Variants in SNED1 observed in about 807,000 individuals in gnomAD.
SNED1 encodes sushi, nidogen and EGF-like domain-containing protein 1.
In SNED1, 81 loss-of-function variants were observed where a neutral mutation model predicts 166.7. That is an observed-to-expected ratio of 0.49 (90% CI 0.41 to 0.58). SNED1 has a LOEUF of 0.58. Ranked by LOEUF, SNED1 falls within the 20% of genes least tolerant of loss-of-function variation. The pLI is 0.00. For synonymous variants in SNED1, 762 were observed against 822.0 expected (o/e 0.93, Z 1.25); for missense variants, 1,604 against 2,000.2 (o/e 0.80, Z 3.78).
intron 12 of SNED1, 145 bp downstream of exon 12, chr2:241,050,078 G>A: frequency 4.2e-6 from 3 of 721,220 alleles, no homozygotes; most frequent in South Asian, 1.5e-5. Flanking sequence ...GCTCTGTTCT[G>A]TGTATTTAGA....
chr2:241,016,352 T>C (rs533621660), intron 1 of SNED1, among the ~76,000 whole-genome samples: 3 of 152,142 alleles, frequency 2.0e-5, no homozygotes, highest in Admixed American at 6.5e-5. Flanking sequence ...CCCACCACCT[T>C]GCCCGGCTAA....
chr2:241,055,680 C>G (rs1398426762), intron 16 of SNED1, among the ~76,000 whole-genome samples: 1 of 152,210 alleles, frequency 6.6e-6, no homozygotes, highest in African/African-American at 2.4e-5. Flanking sequence ...GGATTGAAAT[C>G]AAGAGAAGCC....
intron 18 of SNED1, 50 bp from the exon 19 acceptor site, chr2:241,063,962 C>G (rs2062330299): frequency 7.4e-7 from 1 of 1,348,096 alleles, no homozygotes; most frequent in African/African-American, 1.4e-5. Flanking sequence ...CTCCTCCCTC[C>G]CCCAGACTCC....
chr2:241,073,893 G>A lies in SNED1; in HGVS notation c.3916+529G>A, dbSNP rs147241068. The A allele has an allele frequency of 2.1e-4, 36 of 167,840 alleles. No individual in the cohort carries two copies. Among genetic ancestry groups the A allele is most frequent in the African/African-American group, 7.6e-4 (32 of 42,128 alleles). 10.4% of individuals were successfully genotyped at this position (167,840 alleles called of 1,614,324 possible). On this transcript the variant is annotated intron_variant, in intron 27 of 31. Coordinates refer to ENST00000310397, the MANE Select transcript of SNED1 (RefSeq NM_001080437.3). The surrounding 1 kb of genome is among the most constrained non-coding windows in gnomAD (Gnocchi z 6.6). ...ATCGAGGCCAGCACGTCCCTGCAGG[G>A]CACCAAGCATCTGCTGAGCACCTGC...
At chr2:241,072,886 A>T (rs1328882784) in intron 26 of SNED1, 1 of 277,132 alleles carries the variant, frequency 3.6e-6, no homozygotes, top group Non-Finnish European at 6.8e-6. Flanking sequence ...CAGCTCAGAA[A>T]GAGCAGGGGG....
rs1342908146 is a variant in SNED1, at chr2:241,068,925, G to A, written c.3209G>A (p.Gly1070Glu). ...CCTGCCCACAGGGCCCTGCTGCCTGGGAAGAGGTACACCATCCAGCTGACC... is the reference window on the plus strand; with the variant it reads ...CCTGCCCACAGGGCCCTGCTGCCTGAGAAGAGGTACACCATCCAGCTGACC... ...DRFTFRALLP[G>E]KRYTIQLTTL... is the part of the protein sequence containing the mutation. The change falls in exon 23 of 32, where the codon GGG (glycine) becomes GAG (glutamate). Residue 1070 changes from glycine to glutamate, a missense_variant. Gly to Glu is a moderately conservative substitution (Grantham distance 98). Coordinates refer to ENST00000310397, the MANE Select transcript of SNED1 (RefSeq NM_001080437.3). The surrounding 1 kb of genome is among the most constrained non-coding windows in gnomAD (Gnocchi z 5.3). 6.4e-7 allele frequency: 1 copy of A among 1,552,302 alleles called. No individual in the cohort carries two copies. The highest frequency in any genetic ancestry group is 1.2e-5 in the South Asian group (1 of 84,094).
intron 1 of SNED1, among the ~76,000 whole-genome samples, chr2:241,020,217 A>G (rs1182594944): frequency 1.3e-5 from 2 of 152,366 alleles, no homozygotes; most frequent in Admixed American, 6.5e-5. Context: ...AGACCACACC[A>G]TTTGCAACAA....
At chr2:241,071,937 C>G in intron 26 of SNED1, 59 bp downstream of exon 26, 3 of 1,348,686 alleles carry the variant, frequency 2.2e-6, no homozygotes, top group Non-Finnish European at 3.1e-6. Context: ...CACTGCCACT[C>G]TCACCAGGTC....
chr2:241,083,368 T>C (rs2063423308), intron 29 of SNED1, among the ~76,000 whole-genome samples: 1 of 138,174 alleles, frequency 7.2e-6, no homozygotes, highest in African/African-American at 2.9e-5. Context: ...ACAGAAGGAC[T>C]CTGGTGTTTG....
In SNED1 at chr2:241,040,407, GAGAC is replaced by G; in HGVS notation, c.1270_1273del (p.Thr424GlufsTer86). The G allele has an allele frequency of 2.5e-6, 4 of 1,587,016 alleles. No individual in the cohort carries two copies. The highest frequency in any genetic ancestry group is 3.4e-6 in the Non-Finnish European group (4 of 1,165,442). ...CGAGCCCTTCAAGGGACTTCGCTGT[GAGAC>G]AGGTAACTGGCCAAGTGCCTGCAGG... On this transcript the variant is annotated frameshift_variant and splice_region_variant, in exon 8 of 32. Transcript: ENST00000310397. LOFTEE classifies it high-confidence loss of function.
chr2:241,007,679 C>A (rs750817022), intron 1 of SNED1, among the ~76,000 whole-genome samples: 1 of 152,298 alleles, frequency 6.6e-6, no homozygotes, highest in Non-Finnish European at 1.5e-5. Context: ...AAACAGACTT[C>A]GGGTTACCAT....
rs905348354 is a variant in SNED1 at position 241,030,204 on chromosome 2, C to G, written c.214-80C>G. ...CTTCCCCTCAGAGGGTGCCTGGTGG[C>G]AGGGGCTGGGGAGGCTGCTGGGCCC... On this transcript the variant is annotated intron_variant, in intron 1 of 31. Coordinates refer to ENST00000310397, the MANE Select transcript of SNED1 (RefSeq NM_001080437.3). The G allele has an allele frequency of 1.4e-5, 19 of 1,358,526 alleles. No individual in the cohort carries two copies. In the African/African-American group the frequency reaches 2.5e-4, roughly 18 times the overall value. 84.2% of individuals were successfully genotyped at this position (1,358,526 alleles called of 1,614,324 possible).
intron 31 of SNED1, 174 bp downstream of exon 31, chr2:241,088,576 A>G (rs2063704619): frequency 4.9e-6 from 3 of 612,182 alleles, no homozygotes; most frequent in African/African-American, 1.9e-5. Flanking sequence ...AGAAGTCCCC[A>G]AGGGGAAACA....
chr2:241,025,410 T>C (rs2060929048), intron 1 of SNED1, among the ~76,000 whole-genome samples: 1 of 152,172 alleles, frequency 6.6e-6, no homozygotes, highest in African/African-American at 2.4e-5. Context: ...CTTATTAATA[T>C]TCACTACCAA....
rs2064085331 is a variant in SNED1, at chr2:241,092,365, GAC to G, written c.*733_*734del. On this transcript the variant is annotated 3_prime_UTR_variant, in exon 32 of 32. Coordinates refer to ENST00000310397, the MANE Select transcript of SNED1 (RefSeq NM_001080437.3). The surrounding 1 kb of genome is among the most constrained non-coding windows in gnomAD (Gnocchi z 4.6). ...AGGTCCCTGTGGCTACAGTAGCGCA[GAC>G]ACAGCCACAGGCATGTCATTGAATG... 6.6e-6 allele frequency: 1 copy of G among 152,176 alleles called. No homozygotes were observed. Among genetic ancestry groups the G allele is most frequent in the Non-Finnish European group, 1.5e-5 (1 of 68,032 alleles). The allele number at this position is 152,176 out of a possible 1,614,324, so 9.4% of individuals were successfully genotyped here.
intron 2 of SNED1, among the ~76,000 whole-genome samples, chr2:241,031,650 G>A (rs114165857): frequency 0.05 from 7,647 of 152,248 alleles, 385 homozygotes; most frequent in African/African-American, 0.13. Flanking sequence ...TGCGCCTCTC[G>A]GCTCCCAGAG....
chr2:241,043,938 G>A (rs577944690), intron 8 of SNED1, among the ~76,000 whole-genome samples: 1 of 152,290 alleles, frequency 6.6e-6, no homozygotes, highest in East Asian at 1.9e-4. Flanking sequence ...AAGATAAGAA[G>A]AAATGGAAGT....
chr2:241,058,262 C>A (rs1248230164), intron 16 of SNED1, among the ~76,000 whole-genome samples: 1 of 152,052 alleles, frequency 6.6e-6, no homozygotes, highest in Non-Finnish European at 1.5e-5. Flanking sequence ...AATATTCAAG[C>A]ATCTAATACA....
In SNED1 at chr2:241,048,406, C is replaced by G; in HGVS notation, c.1365C>G (p.Cys455Trp). ...CGGACCAGGGCTACGTGTGCGAGTGCCCCGAAGGCTTCATGGGCCTGGACT... is the reference window on the plus strand; with the variant it reads ...CGGACCAGGGCTACGTGTGCGAGTGGCCCGAAGGCTTCATGGGCCTGGACT... ...VDADQGYVCE[C>W]PEGFMGLDCR... The change falls in exon 9 of 32, where the codon TGC becomes TGG. Residue 455 changes from cysteine to tryptophan, a missense_variant. Physicochemically the swap from Cys to Trp is radical, Grantham distance 215. This residue lies in a region of SNED1 where 1,237 missense variants were observed against 1,620.8 expected (regional missense o/e 0.76). Transcript: ENST00000310397. 6.2e-7 allele frequency: 1 copy of G among 1,610,992 alleles called. No homozygotes were observed. Among genetic ancestry groups the G allele is most frequent in the Non-Finnish European group, 8.5e-7 (1 of 1,178,760 alleles).
Sources: allele counts gnomAD v4.1 joint callset (sites outside exome capture counted in the v4.1 genomes callset), GRCh38; gene constraint gnomAD v4.1.1; regional missense constraint gnomAD v4.1.1; non-coding constraint Gnocchi (gnomAD v3.1); transcripts MANE v1.5; gene names NCBI Gene and HGNC (gene_info 2026-07-23, HGNC 2026-07-21).